The following SLC25A1 variants were observed in gnomAD, a reference collection of about 807,000 sequenced individuals.
SLC25A1 encodes the protein solute carrier family 25 member 1.
A neutral mutation model predicts 38.1 loss-of-function variants in SLC25A1; 26 were observed. The ratio of observed to expected loss-of-function variants is 0.68; its 90% CI spans 0.50 to 0.95. The LOEUF is 0.95. Among genes scored for constraint, SLC25A1 ranks in the 40% least tolerant of loss-of-function variants. SLC25A1 has a pLI of 0.00. For missense variants in SLC25A1, 378 were observed against 426.6 expected (o/e 0.89, Z 1.00); for synonymous variants, 211 against 183.2 (o/e 1.15, Z -1.23).
At position 19,176,586 on chromosome 22, in the gene SLC25A1, G is replaced by C. The variant is rs782457807; in HGVS notation, c.739C>G (p.Arg247Gly). Reference sequence around the variant, plus strand: ...CTTCCCGGCCCCACCACCTGCATCCGGGTCTTAATCACATCCAGAGGAGTG... The same window carrying C: ...CTTCCCGGCCCCACCACCTGCATCCCGGTCTTAATCACATCCAGAGGAGTG... ...GNTPLDVIKT[R>G]MQGLEAHKYR... Residue 247 changes from arginine (R) to glycine (G), a missense_variant, in exon 7 of 9, where the codon CGG becomes GGG. Arg to Gly is a moderately radical substitution (Grantham distance 125). Transcript: ENST00000215882. 3.1e-6 allele frequency: 5 copies of C among 1,611,988 alleles called. No homozygotes were observed. The highest frequency in any genetic ancestry group is 2.2e-5 in the East Asian group (1 of 44,876).
Position 19,176,058 on chromosome 22 carries a change from TG to T in SLC25A1, c.*71del. ...AAGGGGCCTTTTGGCACTACTGCACTGGAATCGTGAGACAAAGGTAGCAGGA... is the reference window on the plus strand; with the variant it reads ...AAGGGGCCTTTTGGCACTACTGCACTGAATCGTGAGACAAAGGTAGCAGGA... On this transcript the variant is annotated 3_prime_UTR_variant, in exon 9 of 9. Coordinates refer to ENST00000215882, the MANE Select transcript of SLC25A1 (RefSeq NM_005984.5). 8.4e-7 allele frequency: 1 copy of T among 1,186,128 alleles called. No homozygotes were observed. The highest frequency in any genetic ancestry group is 1.2e-6 in the Non-Finnish European group (1 of 846,448). The allele number at this position is 1,186,128 out of a possible 1,614,324, so 73.5% of individuals were successfully genotyped here.
Position 19,177,804 on chromosome 22 carries a change from T to G in SLC25A1, c.364A>C (p.Thr122Pro), listed in dbSNP as rs782743173. ...MRDAQGRLDSTRGLLCGLGAG... is the reference protein window; with the variant it reads ...MRDAQGRLDSPRGLLCGLGAG... ...CCCAGGCCGCACAGCAGCCCACGCGTGCTGTCCAGCCGTCCCTGGGCATCC... is the reference window on the plus strand; with the variant it reads ...CCCAGGCCGCACAGCAGCCCACGCGGGCTGTCCAGCCGTCCCTGGGCATCC... The change falls in exon 4 of 9, where the codon ACG becomes CCG. Residue 122 changes from threonine (T) to proline (P), a missense_variant. By Grantham distance (38) the Thr-to-Pro change is conservative (BLOSUM62 -1). Coordinates refer to ENST00000215882, the MANE Select transcript of SLC25A1 (RefSeq NM_005984.5). 17 of 1,610,764 alleles carry G rather than the reference T, an allele frequency of 1.1e-5. 1 individual carries two copies. The South Asian group carries it at 1.9e-4, about 18-fold the overall frequency.
intron 4 of SLC25A1, 128 bp from the exon 5 acceptor site, chr22:19,177,332 A>G: frequency 1.3e-6 from 1 of 759,224 alleles, no homozygotes; most frequent in South Asian, 1.7e-5. Context: ...AGTGCAGCCA[A>G]GGCCGCCCTG....
Position 19,178,086 on chromosome 22 carries a change from G to A in SLC25A1, c.203-45C>T. 3.9e-6 allele frequency: 6 copies of A among 1,538,658 alleles called. No individual in the cohort carries two copies. The South Asian group carries it at 7.2e-5, about 19-fold the overall frequency. Reference sequence around the variant, plus strand: ...GGACCCCACGGCCCTCGGTGCCGCCGCCCTGGGTACCCGCCCCCCGCGGCG... The same window carrying A: ...GGACCCCACGGCCCTCGGTGCCGCCACCCTGGGTACCCGCCCCCCGCGGCG... On this transcript the variant is annotated intron_variant, in intron 2 of 8. Coordinates refer to ENST00000215882, the MANE Select transcript of SLC25A1 (RefSeq NM_005984.5). This position sits in a 1 kb window ranked among gnomAD's most constrained non-coding sequence, Gnocchi z 4.9.
In SLC25A1 at chr22:19,178,017, C is replaced by A; in HGVS notation, c.227G>T (p.Arg76Leu). The part of the protein sequence containing the change: ...GIGDCVRQTV[R>L]SHGVLGLYRG... ...GTACAGGCCCAGGACGCCATGGCTG[C>A]GAACCGTCTGCCGCACGCAGTCCCC... Residue 76 changes from arginine to leucine, a missense_variant, in exon 3 of 9, where the codon CGC becomes CTC. Physicochemically the swap from Arg to Leu is moderately radical, Grantham distance 102. Coordinates refer to ENST00000215882, the MANE Select transcript of SLC25A1 (RefSeq NM_005984.5). The surrounding 1 kb of genome is among the most constrained non-coding windows in gnomAD (Gnocchi z 4.9). The A allele has an allele frequency of 6.3e-7, 1 of 1,598,640 alleles. No individual in the cohort carries two copies. The highest frequency in any genetic ancestry group is 8.5e-7 in the Non-Finnish European group (1 of 1,174,928).
In SLC25A1 at chr22:19,177,767, G is replaced by A; in HGVS notation, c.401C>T (p.Ala134Val). 1.9e-6 allele frequency: 3 copies of A among 1,609,712 alleles called. No individual in the cohort carries two copies. The highest frequency in any genetic ancestry group is 2.5e-6 in the Non-Finnish European group (3 of 1,179,572). Residue 134 changes from alanine (A) to valine (V), a missense_variant, in exon 4 of 9, where the codon GCC (alanine) becomes GTC (valine). Physicochemically the swap from Ala to Val is moderately conservative, Grantham distance 64. Transcript: ENST00000215882. ...GLLCGLGAGVAEAVVVVCPME... is the reference protein window; with the variant it reads ...GLLCGLGAGVVEAVVVVCPME... ...GGGGCACACGACCACCACGGCCTCGGCCACGCCAGCGCCCAGGCCGCACAG... is the reference window on the plus strand; with the variant it reads ...GGGGCACACGACCACCACGGCCTCGACCACGCCAGCGCCCAGGCCGCACAG...
Position 19,176,168 on chromosome 22 carries a change from C to A in SLC25A1, c.898G>T (p.Val300Leu). 6.2e-7 allele frequency: 1 copy of A among 1,613,980 alleles called. No homozygotes were observed. Among genetic ancestry groups the A allele is most frequent in the Non-Finnish European group, 8.5e-7 (1 of 1,180,030 alleles). ...CACACTTTGTTGAGCAGCTTCACCA[C>A]TTCATCATAGATGACAAACACTATG... Reference protein sequence around the residue: ...VAIVFVIYDEVVKLLNKVWKT... With the variant: ...VAIVFVIYDELVKLLNKVWKT... The change falls in exon 9 of 9, where the codon GTG (valine) becomes TTG (leucine). Residue 300 changes from valine to leucine, a missense_variant. Physicochemically the swap from Val to Leu is conservative, Grantham distance 32 (BLOSUM62 1). Transcript: ENST00000215882.
chr22:19,178,461 G>A lies in SLC25A1; in HGVS notation c.94+119C>T. Reference sequence around the variant, plus strand: ...TCCCAGCGCGCCGGGTGGGGACCAGGACCGCGCCTCCACGACTCCCCAGCC... The same window carrying A: ...TCCCAGCGCGCCGGGTGGGGACCAGAACCGCGCCTCCACGACTCCCCAGCC... On this transcript the variant is annotated intron_variant, in intron 1 of 8. Coordinates refer to ENST00000215882, the MANE Select transcript of SLC25A1 (RefSeq NM_005984.5). This position sits in a 1 kb window ranked among gnomAD's most constrained non-coding sequence, Gnocchi z 4.9. 1 of 1,355,372 alleles carries A rather than the reference G, an allele frequency of 7.4e-7. No individual in the cohort carries two copies. The highest frequency in any genetic ancestry group is 9.4e-7 in the Non-Finnish European group (1 of 1,059,916). 84.0% of individuals were successfully genotyped at this position (1,355,372 alleles called of 1,614,324 possible).
At chr22:19,176,981 C>T in intron 5 of SLC25A1, 31 bp from the exon 6 acceptor site, 1 of 1,609,580 alleles carries the variant, frequency 6.2e-7, no homozygotes, top group Non-Finnish European at 8.5e-7. Context: ...GGTTACCCTG[C>T]AGCCTCTCAG....
At position 19,176,241 on chromosome 22, in the gene SLC25A1, G is replaced by C; in HGVS notation, c.825C>G (p.Phe275Leu). ...QILKKEGLKA[F>L]YKGTVPRLGR... ...CCAGGCGGGGGACAGTGCCCTTGTAGAATCTGGGTGGGAGGAGGGGCGGGG... is the reference window on the plus strand; with the variant it reads ...CCAGGCGGGGGACAGTGCCCTTGTACAATCTGGGTGGGAGGAGGGGCGGGG... Residue 275 changes from phenylalanine (F) to leucine (L), a missense_variant, in exon 9 of 9, where the codon TTC becomes TTG. Phe to Leu is a conservative substitution (Grantham distance 22, BLOSUM62 0). Transcript: ENST00000215882. 6.2e-7 allele frequency: 1 copy of C among 1,610,248 alleles called. No homozygotes were observed. The highest frequency in any genetic ancestry group is 2.2e-5 in the East Asian group (1 of 44,872).
chr22:19,176,914 A>C lies in SLC25A1; in HGVS notation c.563T>G (p.Val188Gly). Residue 188 changes from valine to glycine, a missense_variant, in exon 6 of 9, where the codon GTC (valine) becomes GGC (glycine). By Grantham distance (109) the Val-to-Gly change is moderately radical (BLOSUM62 -3). Transcript: ENST00000215882. Reference protein sequence around the residue: ...KGTYQGLTATVLKQGSNQAIR... With the variant: ...KGTYQGLTATGLKQGSNQAIR... ...GGCCTGGTTCGAGCCCTGCTTCAGG[A>C]CAGTGGCTGTGAGGCCCTGGTACGT... is the stretch of plus-strand genomic sequence containing the variant. The C allele has an allele frequency of 1.2e-6, 2 of 1,613,712 alleles. No homozygotes were observed. Among genetic ancestry groups the C allele is most frequent in the Non-Finnish European group, 1.7e-6 (2 of 1,180,008 alleles).
chr22:19,177,024 G>A (rs1555922573), intron 5 of SLC25A1, 74 bp from the exon 6 acceptor site: 2 of 1,582,136 alleles, frequency 1.3e-6, no homozygotes, highest in African/African-American at 1.3e-5. Context: ...TGTGGGGGGT[G>A]GGTGTTGCAC....
At position 19,178,445 on chromosome 22, in the gene SLC25A1, G is replaced by T. The variant is rs1555923494; in HGVS notation, c.94+135C>A. ...ACGGGAGGCGGGCGAGTCCCAGCGC[G>T]CCGGGTGGGGACCAGGACCGCGCCT... On this transcript the variant is annotated intron_variant, in intron 1 of 8. Transcript: ENST00000215882. The surrounding 1 kb of genome is among the most constrained non-coding windows in gnomAD (Gnocchi z 4.9). The T allele has an allele frequency of 7.3e-7, 1 of 1,370,876 alleles. No individual in the cohort carries two copies. Among genetic ancestry groups the T allele is most frequent in the Non-Finnish European group, 9.4e-7 (1 of 1,069,026 alleles). The allele number at this position is 1,370,876 out of a possible 1,614,324, so 84.9% of individuals were successfully genotyped here. A position where few individuals can be genotyped will look rare whatever the true frequency, so the allele number is the denominator to read the frequency against.
In SLC25A1 at chr22:19,178,118, C is replaced by A; in HGVS notation, c.202+15G>T. ...GTACCCGCCCCCCGCGGCGCCGCGG[C>A]CTCCCCCTCCTCACCGATGCCCCGG... On this transcript the variant is annotated intron_variant, in intron 2 of 8. Transcript: ENST00000215882. The surrounding 1 kb of genome is among the most constrained non-coding windows in gnomAD (Gnocchi z 4.9). 1 of 1,536,498 alleles carries A rather than the reference C, an allele frequency of 6.5e-7. No individual in the cohort carries two copies.
In SLC25A1 at chr22:19,175,606, C is replaced by T. The variant is rs577346603; in HGVS notation, c.*524G>A. 4.1e-5 allele frequency: 8 copies of T among 193,992 alleles called. No homozygotes were observed. The East Asian group carries it at 1.1e-3, about 27-fold the overall frequency. The allele number at this position is 193,992 out of a possible 1,614,324, so 12.0% of individuals were successfully genotyped here. A position where few individuals can be genotyped will look rare whatever the true frequency, so the allele number is the denominator to read the frequency against. On this transcript the variant is annotated 3_prime_UTR_variant, in exon 9 of 9. Transcript: ENST00000215882. ...TGCAACAGGATCCGGTTTATTCTGC[C>T]TTGGCAGGGTGGTCCTGAGAGTGGT...
Position 19,176,075 on chromosome 22 carries a change from G to C in SLC25A1, c.*55C>G, listed in dbSNP as rs2083954691. The C allele has an allele frequency of 3.5e-6, 5 of 1,432,022 alleles. No homozygotes were observed. The Admixed American group carries it at 8.4e-5, about 24-fold the overall frequency. 88.7% of individuals were successfully genotyped at this position (1,432,022 alleles called of 1,614,324 possible). Reference sequence around the variant, plus strand: ...TACTGCACTGGAATCGTGAGACAAAGGTAGCAGGACACTCTGGCGGTGCCT... The same window carrying C: ...TACTGCACTGGAATCGTGAGACAAACGTAGCAGGACACTCTGGCGGTGCCT... On this transcript the variant is annotated 3_prime_UTR_variant, in exon 9 of 9. Transcript: ENST00000215882.
chr22:19,176,549 C>G (rs1253483617), intron 7 of SLC25A1, 29 bp downstream of exon 7: 4 of 1,611,982 alleles, frequency 2.5e-6, no homozygotes, highest in Non-Finnish European at 2.5e-6. Flanking sequence ...CCTGGTCCCC[C>G]CTTCCCCTCC....
chr22:19,177,266 G>T, intron 4 of SLC25A1, 62 bp from the exon 5 acceptor site: 2 of 1,379,986 alleles, frequency 1.4e-6, no homozygotes, highest in Non-Finnish European at 2.1e-6. Context: ...CTGGCTAGCT[G>T]GCAGGCCCAG....
chr22:19,178,314 C>A lies in SLC25A1; in HGVS notation c.95-74G>T. On this transcript the variant is annotated intron_variant, in intron 1 of 8. Coordinates refer to ENST00000215882, the MANE Select transcript of SLC25A1 (RefSeq NM_005984.5). The surrounding 1 kb of genome is among the most constrained non-coding windows in gnomAD (Gnocchi z 4.9). ...GCTCGGGCCCCTCCCCCGTCCCGGA[C>A]TTCGGTCGGCGCGGCCGCCGCGCCA... 1 of 1,527,790 alleles carries A rather than the reference C, an allele frequency of 6.5e-7. No individual in the cohort carries two copies. Among genetic ancestry groups the A allele is most frequent in the Non-Finnish European group, 8.8e-7 (1 of 1,137,758 alleles). 94.6% of individuals were successfully genotyped at this position (1,527,790 alleles called of 1,614,324 possible). A position where few individuals can be genotyped will look rare whatever the true frequency, so the allele number is the denominator to read the frequency against.
Sources: allele counts gnomAD v4.1 joint callset, GRCh38; gene constraint gnomAD v4.1.1; non-coding constraint Gnocchi (gnomAD v3.1); transcripts MANE v1.5; gene names NCBI Gene and HGNC (gene_info 2026-07-23, HGNC 2026-07-21).